CPVL: variants seen among roughly 807,000 people sequenced by gnomAD.
The protein encoded by CPVL is probable serine carboxypeptidase CPVL.
CPVL carries 51 observed loss-of-function variants against 63.7 expected under a neutral mutation model. The ratio of observed to expected loss-of-function variants is 0.80; its 90% CI spans 0.64 to 1.01. CPVL has a LOEUF of 1.01. Ranked by LOEUF, CPVL falls within the 50% of genes least tolerant of loss-of-function variation. The probability of loss-of-function intolerance (pLI) is 0.00; values close to 1 mark genes in which losing one functional copy is unlikely to be tolerated. For synonymous variants in CPVL, 195 were observed against 206.0 expected, an observed-to-expected ratio of 0.95 and a Z score of 0.46; for missense variants, 530 against 573.1, an observed-to-expected ratio of 0.92 and a Z score of 0.77.
At chr7:29,074,088 G>A (rs773381975) in intron 7 of CPVL, among the ~76,000 whole-genome samples, 2 of 152,152 alleles carry the variant, frequency 1.3e-5, no homozygotes, top group Admixed American at 6.5e-5. Flanking sequence ...ATTTCAAGAT[G>A]AGGACACTGA....
intron 7 of CPVL, among the ~76,000 whole-genome samples, chr7:29,073,881 T>C (rs376600188): frequency 1.3e-4 from 20 of 152,300 alleles, no homozygotes; most frequent in African/African-American, 4.6e-4. Context: ...TTAAAATGAA[T>C]CTACAGACAT....
intron 11 of CPVL, among the ~76,000 whole-genome samples, chr7:29,034,938 T>C (rs971570267): frequency 1.3e-5 from 2 of 151,790 alleles, no homozygotes; most frequent in Non-Finnish European, 2.9e-5. Context: ...AAATAATTTG[T>C]AAGAATTCAA....
intron 7 of CPVL, among the ~76,000 whole-genome samples, chr7:29,074,394 A>C (rs909146063): frequency 6.6e-6 from 1 of 152,240 alleles, no homozygotes; most frequent in Non-Finnish European, 1.5e-5. Context: ...TGTTAGTGAC[A>C]ATAAGTGAAC....
At chr7:29,161,087 C>A (rs1270232756) in intron 5 of CPVL, among the ~76,000 whole-genome samples, 1 of 152,086 alleles carries the variant, frequency 6.6e-6, no homozygotes, top group Non-Finnish European at 1.5e-5. Context: ...GACTTCTTAC[C>A]AGATATTATC....
At chr7:29,054,967 G>A (rs559190248) in intron 11 of CPVL, among the ~76,000 whole-genome samples, 156 of 152,084 alleles carry the variant, frequency 1.0e-3, no homozygotes, top group African/African-American at 3.5e-3. Context: ...TTTCAAATTT[G>A]CCTAGCCATA....
intron 7 of CPVL, among the ~76,000 whole-genome samples, chr7:29,077,092 G>T (rs1052438290): frequency 1.4e-4 from 22 of 152,142 alleles, no homozygotes; most frequent in Admixed American, 3.9e-4. Flanking sequence ...CCTACTTACT[G>T]TAACCTGCCA....
At chr7:29,170,226 T>C in intron 5 of CPVL, among the ~76,000 whole-genome samples, 1 of 152,174 alleles carries the variant, frequency 6.6e-6, no homozygotes, top group East Asian at 1.9e-4. Flanking sequence ...AATAGATTGC[T>C]GGTGATACTG....
intron 12 of CPVL, among the ~76,000 whole-genome samples, chr7:29,014,412 G>T (rs746269848): frequency 1.3e-5 from 2 of 152,096 alleles, no homozygotes; most frequent in Non-Finnish European, 2.9e-5. Context: ...AGCTCACTGC[G>T]CCTCGACCTC....
intron 12 of CPVL, among the ~76,000 whole-genome samples, chr7:29,004,094 G>C (rs912251173): frequency 1.3e-5 from 2 of 152,172 alleles, no homozygotes; most frequent in African/African-American, 4.8e-5. Flanking sequence ...CAGGATATAT[G>C]TCATAATCTC....
intron 11 of CPVL, among the ~76,000 whole-genome samples, chr7:29,032,196 C>T (rs1788084902): frequency 1.3e-5 from 2 of 152,076 alleles, no homozygotes; most frequent in Admixed American, 6.6e-5. Flanking sequence ...TTCCGTCTTT[C>T]CCTTTACGGT....
chr7:29,036,213 G>A (rs753847980), intron 11 of CPVL, among the ~76,000 whole-genome samples: 1 of 152,202 alleles, frequency 6.6e-6, no homozygotes, highest in Non-Finnish European at 1.5e-5. Flanking sequence ...GTAGACATGT[G>A]GGTGAACTTC....
At chr7:29,001,909 C>T (rs1355270943) in intron 12 of CPVL, among the ~76,000 whole-genome samples, 2 of 152,080 alleles carry the variant, frequency 1.3e-5, no homozygotes, top group Admixed American at 6.5e-5. Context: ...TAGCATGTAC[C>T]AAACCAATCT....
chr7:29,053,889 CAAAA>C (rs1036543437), intron 11 of CPVL, among the ~76,000 whole-genome samples: 2 of 60,676 alleles, frequency 3.3e-5, no homozygotes, highest in Non-Finnish European at 4.5e-5. Flanking sequence ...TCTGTTTGTA[CAAAA>C]AAAAAAAAAA....
chr7:29,085,978 A>G (rs1377498121), intron 7 of CPVL, among the ~76,000 whole-genome samples: 2 of 152,140 alleles, frequency 1.3e-5, no homozygotes, highest in African/African-American at 4.8e-5. Flanking sequence ...GTGAGCATGC[A>G]TTGGGCCCTG....
At chr7:29,188,379 T>G (rs1798976094) in intron 1 of CPVL, among the ~76,000 whole-genome samples, 1 of 152,194 alleles carries the variant, frequency 6.6e-6, no homozygotes, top group African/African-American at 2.4e-5. Context: ...TAAATACATA[T>G]TAAACTTTCC....
downstream of CPVL, among the ~76,000 whole-genome samples, chr7:28,994,758 A>ATAAAC (rs1187308521): frequency 6.6e-6 from 1 of 152,250 alleles, no homozygotes. Flanking sequence ...AATAAACTCC[A>ATAAAC]TAAACTATTT....
intron 11 of CPVL, among the ~76,000 whole-genome samples, chr7:29,049,293 G>GA (rs1350757571): frequency 1.3e-5 from 2 of 151,922 alleles, no homozygotes; most frequent in Non-Finnish European, 2.9e-5. Flanking sequence ...CAAGAAGAGA[G>GA]AAAATCCAAA....
upstream of CPVL, chr7:29,195,387 G>A (rs543132205): frequency 6.3e-3 from 1,391 of 219,934 alleles, 12 homozygotes; most frequent in African/African-American, 0.03. Context: ...CGCTACCCTG[G>A]ACACCCAAAT....
At chr7:29,040,828 C>T (rs2128163652) in intron 11 of CPVL, among the ~76,000 whole-genome samples, 1 of 152,238 alleles carries the variant, frequency 6.6e-6, no homozygotes, top group South Asian at 2.1e-4. Flanking sequence ...TGCACCTTAA[C>T]TCTAAATTAT....
Sources: gnomAD v4.1 joint callset for allele counts (sites outside exome capture counted in the v4.1 genomes callset) on GRCh38, gnomAD v4.1.1 for gene constraint, MANE v1.5 for transcripts, NCBI Gene and HGNC (gene_info 2026-07-23, HGNC 2026-07-21) for gene names.